The following NAALADL2 variants were observed in gnomAD, a reference collection of about 807,000 sequenced individuals.
NAALADL2 encodes N-acetylated alpha-linked acidic dipeptidase like 2.
Under a neutral mutation model 87.2 loss-of-function variants are expected in NAALADL2, and 76 were observed. That is an observed-to-expected ratio of 0.87 (90% confidence interval 0.72 to 1.05). NAALADL2 has a LOEUF of 1.05. Among genes scored for constraint, NAALADL2 ranks in the 50% least tolerant of loss-of-function variants. The probability of loss-of-function intolerance (pLI) is 0.00; values close to 1 mark genes in which losing one functional copy is unlikely to be tolerated. For missense variants in NAALADL2, 1,089 were observed against 945.8 expected (o/e 1.15, Z -1.99); for synonymous variants, 354 against 331.0 (o/e 1.07, Z -0.75).
intron 1 of NAALADL2, among the ~76,000 whole-genome samples, chr3:175,063,919 A>G (rs899737924): frequency 4.6e-5 from 7 of 152,208 alleles, no homozygotes; most frequent in Non-Finnish European, 1.0e-4. Flanking sequence ...TTAACTAATA[A>G]GTGATACAAA....
chr3:174,485,295 A>G (rs933355219), intron 1 of NAALADL2, among the ~76,000 whole-genome samples: 10 of 151,966 alleles, frequency 6.6e-5, no homozygotes, highest in Non-Finnish European at 2.9e-5. Context: ...AATACTATGC[A>G]AGTTTTTAAA....
rs112671935 is a variant in NAALADL2 at position 175,339,459 on chromosome 3, A to G, written c.1090+15134A>G. Among the ~76,000 whole-genome samples, 20 of 152,360 alleles carry G rather than the reference A, an allele frequency of 1.3e-4. 1 individual carries two copies. The highest frequency in any genetic ancestry group is 4.8e-4 in the African/African-American group (20 of 41,590). ...TAAATACAATCTGTTCTGTATAAAA[A>G]TAAAGAAATACAAGTCTCATCTCTT... is the stretch of plus-strand genomic sequence containing the variant. On this transcript the variant is annotated intron_variant, in intron 5 of 13. Coordinates refer to ENST00000454872, the MANE Select transcript of NAALADL2 (RefSeq NM_207015.3).
intron 13 of NAALADL2, among the ~76,000 whole-genome samples, chr3:175,783,042 T>C (rs1321515348): frequency 1.3e-5 from 2 of 150,200 alleles, no homozygotes; most frequent in African/African-American, 4.9e-5. Context: ...TTCTGAGGGC[T>C]CTGTTCTGTT....
Position 174,908,878 on chromosome 3 carries a change from T to G in NAALADL2, c.43+49428T>G, listed in dbSNP as rs545533513. 3.3e-5 allele frequency among the ~76,000 whole-genome samples: 5 copies of G among 151,880 alleles called. No homozygotes were observed. The South Asian group carries it at 1.0e-3, about 32-fold the overall frequency. On this transcript the variant is annotated intron_variant, in intron 1 of 13. Coordinates refer to ENST00000454872, the MANE Select transcript of NAALADL2 (RefSeq NM_207015.3). The stretch of plus-strand genomic sequence containing the variant: ...CAGTGTAAAGCAAAGCCTCTAATTT[T>G]AAAGAAGAAAAGGAATCCGAAAGAG...
chr3:174,649,229 C>G (rs936497254), intron 2 of NAALADL2, among the ~76,000 whole-genome samples: 5 of 152,068 alleles, frequency 3.3e-5, no homozygotes, highest in African/African-American at 1.2e-4. Context: ...TCTCAAAGTG[C>G]TGGGATTACA....
intron 9 of NAALADL2, among the ~76,000 whole-genome samples, chr3:175,546,562 T>C (rs769683549): frequency 6.6e-6 from 1 of 152,126 alleles, no homozygotes; most frequent in African/African-American, 2.4e-5. Context: ...CCTCAGGGGC[T>C]CTTATAAGGC....
intron 2 of NAALADL2, among the ~76,000 whole-genome samples, chr3:175,155,211 T>A (rs1048254108): frequency 6.6e-6 from 1 of 152,102 alleles, no homozygotes; most frequent in African/African-American, 2.4e-5. Flanking sequence ...GCAGTTACCA[T>A]GAGAGTTTCA....
intron 5 of NAALADL2, among the ~76,000 whole-genome samples, chr3:175,365,709 A>C (rs1765473956): frequency 6.8e-6 from 1 of 147,308 alleles, no homozygotes; most frequent in African/African-American, 2.5e-5. Context: ...ACCTAAAAAA[A>C]TCTGAGATAC....
intron 2 of NAALADL2, among the ~76,000 whole-genome samples, chr3:175,165,373 G>T (rs1382177824): frequency 6.6e-6 from 1 of 151,990 alleles, no homozygotes; most frequent in Non-Finnish European, 1.5e-5. Context: ...TAGTGAATGG[G>T]TAAATCAATC....
Position 175,089,885 on chromosome 3 carries a change from T to G in NAALADL2, c.44-6905T>G, listed in dbSNP as rs181523383. Among the ~76,000 whole-genome samples the G allele has an allele frequency of 1.3e-4, 20 of 152,298 alleles. No individual in the cohort carries two copies. In the South Asian group the frequency reaches 1.9e-3, roughly 14 times the overall value. ...ACAACCCTCTTTGCTATGCCTATAG[T>G]GAAGCTCAGAACTACATTAAAACTC... On this transcript the variant is annotated intron_variant, in intron 1 of 13. Transcript: ENST00000454872.
chr3:174,632,957 A>AT (rs1491315787), intron 2 of NAALADL2, among the ~76,000 whole-genome samples: 1 of 144,288 alleles, frequency 6.9e-6, no homozygotes, highest in African/African-American at 2.6e-5. Flanking sequence ...AAAAAAAAAA[A>AT]GGAAAAAAGA....
chr3:174,480,016 TTAA>T (rs1444684528), intron 1 of NAALADL2, among the ~76,000 whole-genome samples: 2 of 152,096 alleles, frequency 1.3e-5, no homozygotes, highest in African/African-American at 4.8e-5. Context: ...CACTCACTAA[TTAA>T]TTTTTGTAAC....
At chr3:174,883,089 T>A (rs1729632736) in intron 1 of NAALADL2, among the ~76,000 whole-genome samples, 1 of 152,050 alleles carries the variant, frequency 6.6e-6, no homozygotes, top group African/African-American at 2.4e-5. Flanking sequence ...GGGGGAAAGA[T>A]GTAGGCTTGG....
chr3:175,758,233 AGTGTCGATG>A (rs1747527699), intron 13 of NAALADL2, among the ~76,000 whole-genome samples: 1 of 152,026 alleles, frequency 6.6e-6, no homozygotes, highest in African/African-American at 2.4e-5. Context: ...CAAGCCTCAA[AGTGTCGATG>A]GTGATAATGT....
At chr3:174,935,960 A>T (rs1411526884) in intron 1 of NAALADL2, among the ~76,000 whole-genome samples, 1 of 152,302 alleles carries the variant, frequency 6.6e-6, no homozygotes, top group African/African-American at 2.4e-5. Flanking sequence ...TTCTTTTCCC[A>T]TAATGATGTC....
intron 1 of NAALADL2, among the ~76,000 whole-genome samples, chr3:175,018,831 C>G (rs1296105149): frequency 6.6e-6 from 1 of 151,980 alleles, no homozygotes; most frequent in Non-Finnish European, 1.5e-5. Flanking sequence ...CCGGTGTTTT[C>G]TATCTATTGG....
chr3:175,064,830 G>C (rs1403108425), intron 1 of NAALADL2, among the ~76,000 whole-genome samples: 1 of 152,126 alleles, frequency 6.6e-6, no homozygotes, highest in African/African-American at 2.4e-5. Flanking sequence ...CGGTGGAGCT[G>C]TTTGTAAAAC....
rs1406174712 is a variant in NAALADL2, at chr3:175,553,044, A to ACT, written c.1654-22995_1654-22994dup. Among the ~76,000 whole-genome samples, 16 of 152,244 alleles carry ACT rather than the reference A, an allele frequency of 1.1e-4. 1 individual carries two copies. The highest frequency in any genetic ancestry group is 7.8e-4 in the Admixed American group (12 of 15,288). ...CCTTTACTTTTTTGCCTTTCAGTAT[A>ACT]CTCAGTGTACAAAAAGGGATTATAG... On this transcript the variant is annotated intron_variant, in intron 9 of 13. Coordinates refer to ENST00000454872, the MANE Select transcript of NAALADL2 (RefSeq NM_207015.3).
At chr3:174,642,823 G>A (rs1007895086) in intron 2 of NAALADL2, among the ~76,000 whole-genome samples, 7 of 136,548 alleles carry the variant, frequency 5.1e-5, no homozygotes, top group Non-Finnish European at 1.1e-4. Context: ...TCACTCTCTC[G>A]CCCAGGCTGA....
Sources: gnomAD v4.1 joint callset for allele counts (sites outside exome capture counted in the v4.1 genomes callset) on GRCh38, gnomAD v4.1.1 for gene constraint, MANE v1.5 for transcripts, NCBI Gene and HGNC (gene_info 2026-07-23, HGNC 2026-07-21) for gene names.